The following ARB2A variants were observed in gnomAD, a reference collection of about 807,000 sequenced individuals.
The protein encoded by ARB2A is ARB2 cotranscriptional regulator A, also known as cotranscriptional regulator ARB2A.
the ARB2A span, among the ~76,000 whole-genome samples, chr5:93,698,182 G>A: frequency 2.0e-5 from 3 of 152,082 alleles, no homozygotes; most frequent in African/African-American, 7.2e-5. Context: ...CTAATTCTCT[G>A]TTGATTTTCC....
the ARB2A span, among the ~76,000 whole-genome samples, chr5:94,097,560 G>A: frequency 2.6e-5 from 4 of 152,106 alleles, no homozygotes; most frequent in Admixed American, 6.5e-5. Flanking sequence ...GTTTCCCCAC[G>A]CAATCTCTCT....
At chr5:93,741,243 C>T in the ARB2A span, 1 of 1,613,924 alleles carries the variant, frequency 6.2e-7, no homozygotes, top group Non-Finnish European at 8.5e-7. Flanking sequence ...GAATGCTCCG[C>T]AGGGCAATGT....
the ARB2A span, among the ~76,000 whole-genome samples, chr5:93,978,601 T>C: frequency 6.6e-6 from 1 of 151,540 alleles, no homozygotes; most frequent in African/African-American, 2.4e-5. Context: ...CAATAAACAC[T>C]AGGGAATGCA....
chr5:93,869,704 T>G, the ARB2A span, among the ~76,000 whole-genome samples: 6 of 152,302 alleles, frequency 3.9e-5, no homozygotes, highest in African/African-American at 1.4e-4. Flanking sequence ...ATCAATGTAC[T>G]TTGTAATCTC....
chr5:93,889,591 T>C, the ARB2A span, among the ~76,000 whole-genome samples: 1 of 151,890 alleles, frequency 6.6e-6, no homozygotes, highest in Non-Finnish European at 1.5e-5. Context: ...ATTATGGCTG[T>C]GAATGTCCCC....
At chr5:94,037,371 G>T in the ARB2A span, among the ~76,000 whole-genome samples, 7 of 152,066 alleles carry the variant, frequency 4.6e-5, no homozygotes, top group Non-Finnish European at 8.8e-5. Flanking sequence ...CTCTCCTACA[G>T]AAAGATAAGC....
At chr5:94,099,105 G>A in the ARB2A span, among the ~76,000 whole-genome samples, 1 of 152,084 alleles carries the variant, frequency 6.6e-6, no homozygotes, top group Non-Finnish European at 1.5e-5. Flanking sequence ...TGAGGAGGAA[G>A]GACTTCTCCC....
chr5:93,747,036 C>T, the ARB2A span, among the ~76,000 whole-genome samples: 1 of 152,150 alleles, frequency 6.6e-6, no homozygotes, highest in African/African-American at 2.4e-5. Flanking sequence ...CTATGTTCTA[C>T]ATTCAAATTA....
the ARB2A span, among the ~76,000 whole-genome samples, chr5:93,886,162 T>C: frequency 6.6e-6 from 1 of 151,628 alleles, no homozygotes; most frequent in African/African-American, 2.4e-5. Context: ...CATTACCAAT[T>C]ATAAGAAAAA....
the ARB2A span, among the ~76,000 whole-genome samples, chr5:93,890,013 T>A: frequency 6.6e-6 from 1 of 151,940 alleles, no homozygotes; most frequent in Non-Finnish European, 1.5e-5. Context: ...AAATTGTATG[T>A]CACACTATGA....
chr5:93,732,606 C>T, the ARB2A span, among the ~76,000 whole-genome samples: 280 of 151,232 alleles, frequency 1.9e-3, no homozygotes, highest in Middle Eastern at 3.4e-3. Context: ...AAAACCCAAA[C>T]CTTAATTTTT....
chr5:94,008,564 A>T, the ARB2A span, among the ~76,000 whole-genome samples: 1 of 152,180 alleles, frequency 6.6e-6, no homozygotes, highest in Non-Finnish European at 1.5e-5. Flanking sequence ...GTGATGAATT[A>T]TATTCTAAAT....
At chr5:93,844,187 T>A in the ARB2A span, among the ~76,000 whole-genome samples, 1 of 151,486 alleles carries the variant, frequency 6.6e-6, no homozygotes, top group Non-Finnish European at 1.5e-5. Flanking sequence ...CTCACGCCTG[T>A]AATTCCAGCA....
chr5:93,807,239 G>T, the ARB2A span, among the ~76,000 whole-genome samples: 1 of 151,906 alleles, frequency 6.6e-6, no homozygotes, highest in African/African-American at 2.4e-5. Flanking sequence ...TTGATTTAAG[G>T]ACCAGCCAAT....
At chr5:93,838,967 G>C in the ARB2A span, among the ~76,000 whole-genome samples, 2 of 151,756 alleles carry the variant, frequency 1.3e-5, no homozygotes, top group African/African-American at 4.8e-5. Context: ...GGGTGGTATA[G>C]AATCATGTCA....
the ARB2A span, among the ~76,000 whole-genome samples, chr5:94,028,656 A>G: frequency 1.3e-5 from 2 of 152,334 alleles, no homozygotes; most frequent in South Asian, 4.1e-4. Context: ...ACATATAAAA[A>G]CGTTGAAAAA....
chr5:93,925,730 T>G, the ARB2A span, among the ~76,000 whole-genome samples: 1 of 152,148 alleles, frequency 6.6e-6, no homozygotes, highest in Non-Finnish European at 1.5e-5. Flanking sequence ...CCCTTATCCA[T>G]GGGGAGATAT....
the ARB2A span, among the ~76,000 whole-genome samples, chr5:93,661,285 A>G: frequency 6.6e-6 from 1 of 152,186 alleles, no homozygotes; most frequent in Non-Finnish European, 1.5e-5. Flanking sequence ...GGAAGTTAAC[A>G]TTTAAGCAAT....
At chr5:93,908,132 A>G in the ARB2A span, among the ~76,000 whole-genome samples, 1,724 of 151,306 alleles carry the variant, frequency 0.011, 14 homozygotes, top group Non-Finnish European at 0.015. Context: ...CAAGCATTCA[A>G]TACATGTTCT....
Sources: gnomAD v4.1 joint callset for allele counts (sites outside exome capture counted in the v4.1 genomes callset) on GRCh38, gnomAD v4.1.1 for gene constraint, MANE v1.5 for transcripts, NCBI Gene and HGNC (gene_info 2026-07-23, HGNC 2026-07-21) for gene names.